Variants in BOD1L1 observed in about 807,000 individuals in gnomAD.
The protein encoded by BOD1L1 is biorientation of chromosomes in cell division 1 like 1.
Under a neutral mutation model 240.7 loss-of-function variants are expected in BOD1L1, and 86 were observed. The ratio of observed to expected loss-of-function variants is 0.36; its 90% CI spans 0.30 to 0.43. The LOEUF (loss-of-function observed/expected upper bound fraction) is 0.43. Ranked by LOEUF, BOD1L1 falls within the 20% of genes least tolerant of loss-of-function variation. The probability of loss-of-function intolerance (pLI) is 1.00; values close to 1 mark genes in which losing one functional copy is unlikely to be tolerated. For missense variants in BOD1L1, 3,554 were observed against 3,643.5 expected (o/e 0.98, Z 0.63); for synonymous variants, 1,268 against 1,272.3 (o/e 1.00, Z 0.07).
chr4:13,580,904 G>A (rs532693862), intron 21 of BOD1L1, 116 bp downstream of exon 21: 2 of 932,160 alleles, frequency 2.1e-6, no homozygotes, highest in East Asian at 2.7e-5. Flanking sequence ...TGGTTACTCA[G>A]TCTTTTAAAG....
At chr4:13,597,202 G>A (rs1486974907) in intron 10 of BOD1L1, 34 bp from the exon 11 acceptor site, 1 of 1,531,072 alleles carries the variant, frequency 6.5e-7, no homozygotes, top group African/African-American at 1.4e-5. Flanking sequence ...TACAGTTTAA[G>A]AATTTGCTTG....
chr4:13,620,709 A>G (rs993180091), intron 1 of BOD1L1, among the ~76,000 whole-genome samples: 1 of 152,200 alleles, frequency 6.6e-6, no homozygotes, highest in African/African-American at 2.4e-5. Context: ...CTGATGGTTA[A>G]TCATCCTACA....
At chr4:13,586,510 A>G in intron 16 of BOD1L1, 35 bp from the exon 17 acceptor site, 1 of 1,416,866 alleles carries the variant, frequency 7.1e-7, no homozygotes, top group Non-Finnish European at 9.9e-7. Flanking sequence ...ACAAAGGAAC[A>G]AAAGCTAAAT....
At chr4:13,582,428 T>C (rs953256858) in intron 18 of BOD1L1, 118 bp from the exon 19 acceptor site, 1 of 800,848 alleles carries the variant, frequency 1.2e-6, no homozygotes, top group Non-Finnish European at 2.0e-6. Context: ...TTTTCATGTT[T>C]CTACCATCAA....
intron 17 of BOD1L1, among the ~76,000 whole-genome samples, chr4:13,584,439 A>AGTGTGT (rs1380460484): frequency 3.1e-4 from 37 of 118,372 alleles, no homozygotes; most frequent in African/African-American, 1.3e-3. Context: ...AAAGAGAGAG[A>AGTGTGT]GAGTGTGTGT....
rs190092384 is a variant in BOD1L1 at position 13,595,348 on chromosome 4, T to C, written c.8104+512A>G. ...GCTCCTGCCTTTATCCTTTCTGATA[T>C]TGAGGATCTCCCTTAAAATCTGTAG... is the stretch of plus-strand genomic sequence containing the variant. On this transcript the variant is annotated intron_variant, in intron 12 of 25. Transcript: ENST00000040738. Among the ~76,000 whole-genome samples, 195 of 152,328 alleles carry C rather than the reference T, an allele frequency of 1.3e-3. 2 individuals are homozygous for C. The highest frequency in any genetic ancestry group is 2.8e-4 in the Non-Finnish European group (19 of 68,026).
Position 13,600,259 on chromosome 4 carries a change from T to C in BOD1L1, c.6641A>G (p.Asp2214Gly). 6.2e-7 allele frequency: 1 copy of C among 1,614,046 alleles called. No individual in the cohort carries two copies. Among genetic ancestry groups the C allele is most frequent in the Admixed American group, 1.7e-5 (1 of 60,030 alleles). Residue 2214 changes from aspartate (D) to glycine (G), a missense_variant, in exon 10 of 26, where the codon GAT becomes GGT. By Grantham distance (94) the Asp-to-Gly change is moderately conservative. This residue lies in a region of BOD1L1 where 3,393 missense variants were observed against 3,427.1 expected (regional missense o/e 0.99). Transcript: ENST00000040738. ...PLASTSKEEK[D>G]ECALISTSIA... ...GCTAGTGGAAATGAGAGCACATTCA[T>C]CCTTCTCCTCCTTGCTGGTTGAGGC...
chr4:13,616,149 C>A (rs189149693), intron 2 of BOD1L1, among the ~76,000 whole-genome samples: 1 of 152,320 alleles, frequency 6.6e-6, no homozygotes, highest in East Asian at 1.9e-4. Context: ...ATGCTGGCCA[C>A]TGACAGCTAC....
chr4:13,592,761 A>T (rs1714316710), intron 12 of BOD1L1: 1 of 152,028 alleles, frequency 6.6e-6, no homozygotes, highest in African/African-American at 2.4e-5. Flanking sequence ...GTCTTCTGAG[A>T]CCCTTTCAGA....
In BOD1L1 at chr4:13,599,321, C is replaced by T. The variant is rs901670245; in HGVS notation, c.7579G>A (p.Ala2527Thr). ...TTTATAGCACCGGTGTTTACTGCTGCCAAATAGCGAATGCTGACAGAGGGA... is the reference window on the plus strand; with the variant it reads ...TTTATAGCACCGGTGTTTACTGCTGTCAAATAGCGAATGCTGACAGAGGGA... The part of the protein sequence containing the change: ...KDPSVSIRYL[A>T]AVNTGAIKAD... The change falls in exon 10 of 26, where the codon GCA becomes ACA. Residue 2527 changes from alanine to threonine, a missense_variant. Physicochemically the swap from Ala to Thr is moderately conservative, Grantham distance 58 (BLOSUM62 0). This residue lies in a region of BOD1L1 where 3,393 missense variants were observed against 3,427.1 expected (regional missense o/e 0.99). Coordinates refer to ENST00000040738, the MANE Select transcript of BOD1L1 (RefSeq NM_148894.3). 7 of 1,613,602 alleles carry T rather than the reference C, an allele frequency of 4.3e-6. No homozygotes were observed. The Admixed American group carries it at 1.0e-4, about 23-fold the overall frequency.
intron 25 of BOD1L1, among the ~76,000 whole-genome samples, chr4:13,575,921 T>A (rs1712685333): frequency 7.1e-6 from 1 of 141,238 alleles, no homozygotes; most frequent in South Asian, 2.3e-4. Flanking sequence ...TTTTTTTTTT[T>A]GAGATGGAGT....
At chr4:13,570,221 T>C (rs1712092222) in intron 25 of BOD1L1, 93 bp from the exon 26 acceptor site, 1 of 886,140 alleles carries the variant, frequency 1.1e-6, no homozygotes, top group Non-Finnish European at 1.6e-6. Flanking sequence ...AGTTTTGAAC[T>C]TGACAGCTAA....
rs757576336 is a variant in BOD1L1, at chr4:13,601,116, T to C, written c.5784A>G (p.Glu1928=). The C allele has an allele frequency of 6.2e-7, 1 of 1,613,988 alleles. No individual in the cohort carries two copies. Among genetic ancestry groups the C allele is most frequent in the South Asian group, 1.1e-5 (1 of 91,082 alleles). Residue 1928 remains glutamate, a synonymous_variant, in exon 10 of 26, where the codon GAA becomes GAG. Coordinates refer to ENST00000040738, the MANE Select transcript of BOD1L1 (RefSeq NM_148894.3). ...EAGAAIMNAN[E]NNVDSMSGTE... is the part of the protein sequence containing the mutation. ...TGCCACTCATGCTGTCAACATTATTTTCATTTGCATTCATGATGGCAGCTC... is the reference window on the plus strand; with the variant it reads ...TGCCACTCATGCTGTCAACATTATTCTCATTTGCATTCATGATGGCAGCTC...
In BOD1L1 at chr4:13,600,473, T is replaced by C; in HGVS notation, c.6427A>G (p.Met2143Val). The change falls in exon 10 of 26, where the codon ATG becomes GTG. Residue 2143 changes from methionine (M) to valine (V), a missense_variant. Coordinates refer to ENST00000040738, the MANE Select transcript of BOD1L1 (RefSeq NM_148894.3). ...SRSEEKDECA[M>V]ISTSIGEEFE... ...TCTTCCCCTATGCTTGTGGAAATCA[T>C]GGCACACTCATCTTTCTCTTCACTT... 1 of 1,613,964 alleles carries C rather than the reference T, an allele frequency of 6.2e-7. No homozygotes were observed. Among genetic ancestry groups the C allele is most frequent in the East Asian group, 2.2e-5 (1 of 44,872 alleles).
intron 1 of BOD1L1, among the ~76,000 whole-genome samples, 189 bp from the exon 2 acceptor site, chr4:13,620,256 T>C (rs986757707): frequency 3.9e-5 from 6 of 152,100 alleles, no homozygotes; most frequent in Non-Finnish European, 8.8e-5. Context: ...ATGAGGAATA[T>C]AAAGAAGAAA....
Position 13,577,620 on chromosome 4 carries a change from T to C in BOD1L1, c.8761A>G (p.Lys2921Glu), listed in dbSNP as rs1309072347. 8 of 1,556,858 alleles carry C rather than the reference T, an allele frequency of 5.1e-6. No homozygotes were observed. Among genetic ancestry groups the C allele is most frequent in the South Asian group, 1.2e-5 (1 of 85,396 alleles). The change falls in exon 23 of 26, where the codon AAA (lysine) becomes GAA (glutamate). Residue 2921 changes from lysine (K) to glutamate (E), a missense_variant. Physicochemically the swap from Lys to Glu is moderately conservative, Grantham distance 56 (BLOSUM62 1). This residue lies in a region of BOD1L1 where 3,393 missense variants were observed against 3,427.1 expected (regional missense o/e 0.99). Transcript: ENST00000040738. ...CTTTCTTGTAGGTTAGCTGTTTCTT[T>C]ATTGGATTCATCTTTAAGAAAAGGG... ...LKVMQTDESN[K>E]ETANLQERSI...
At chr4:13,580,554 T>C (rs779352462) in intron 21 of BOD1L1, among the ~76,000 whole-genome samples, 1 of 152,184 alleles carries the variant, frequency 6.6e-6, no homozygotes, top group Non-Finnish European at 1.5e-5. Flanking sequence ...GATACAATGA[T>C]TTTGGTGGGT....
At position 13,604,060 on chromosome 4, in the gene BOD1L1, G is replaced by A; in HGVS notation, c.2840C>T (p.Thr947Ile). ...TTPKPDKEKN[T>I]EENDSEKQRK... is the part of the protein sequence containing the mutation. ...CTGTTTTTCTGAGTCATTTTCTTCT[G>A]TGTTCTTCTCCTTGTCTGGTTTTGG... Residue 947 changes from threonine to isoleucine, a missense_variant, in exon 10 of 26, where the codon ACA becomes ATA. Thr to Ile is a moderately conservative substitution (Grantham distance 89). This residue lies in a region of BOD1L1 where 3,393 missense variants were observed against 3,427.1 expected (regional missense o/e 0.99). Coordinates refer to ENST00000040738, the MANE Select transcript of BOD1L1 (RefSeq NM_148894.3). 6.2e-7 allele frequency: 1 copy of A among 1,613,784 alleles called. No homozygotes were observed.
At chr4:13,591,629 A>G (rs1018356302) in intron 13 of BOD1L1, among the ~76,000 whole-genome samples, 2 of 152,220 alleles carry the variant, frequency 1.3e-5, no homozygotes, top group African/African-American at 4.8e-5. Context: ...TATTTTGTCT[A>G]TAGCACCAGG....
Sources: allele counts gnomAD v4.1 joint callset (sites outside exome capture counted in the v4.1 genomes callset), GRCh38; gene constraint gnomAD v4.1.1; regional missense constraint gnomAD v4.1.1; transcripts MANE v1.5; gene names NCBI Gene and HGNC (gene_info 2026-07-23, HGNC 2026-07-21).